Variants in EFNA5 observed in about 807,000 individuals in gnomAD.
EFNA5 encodes ephrin-A5.
A neutral mutation model predicts 22.9 loss-of-function variants in EFNA5; 5 were observed. The ratio of observed to expected loss-of-function variants is 0.22; its 90% CI spans 0.11 to 0.46. The LOEUF (loss-of-function observed/expected upper bound fraction) is 0.46, where lower values mean the gene tolerates loss of function less well. Ranked by LOEUF, EFNA5 falls within the 20% of genes least tolerant of loss-of-function variation. The pLI, the probability that EFNA5 is intolerant of heterozygous loss-of-function variation, is 0.99. For missense variants in EFNA5, 237 were observed against 293.3 expected (o/e 0.81, Z 1.40); for synonymous variants, 113 against 112.2 (o/e 1.01, Z -0.04).
intron 2 of EFNA5, among the ~76,000 whole-genome samples, chr5:107,390,549 T>C (rs575206977): frequency 7.8e-4 from 119 of 152,044 alleles, no homozygotes; most frequent in Non-Finnish European, 1.4e-3. Context: ...AGGATGGAAA[T>C]GAGGGAGTAA....
intron 1 of EFNA5, among the ~76,000 whole-genome samples, chr5:107,656,174 A>C (rs930669797): frequency 6.6e-6 from 1 of 152,206 alleles, no homozygotes; most frequent in Non-Finnish European, 1.5e-5. Flanking sequence ...CCAAAGTAGA[A>C]TATCAGGGTT....
chr5:107,420,523 A>AAAAAAAAAAAAAAAAAAAG (rs1347324853), intron 2 of EFNA5, among the ~76,000 whole-genome samples: 5 of 14,812 alleles, frequency 3.4e-4, no homozygotes, highest in Non-Finnish European at 1.2e-3. Context: ...CTGTGCTTTT[A>AAAAAAAAAAAAAAAAAAAG]AAAAAAAAAA....
At position 107,380,090 on chromosome 5, in the gene EFNA5, G is replaced by A. The variant is rs1213870562; in HGVS notation, c.*1165C>T. The stretch of plus-strand genomic sequence containing the variant: ...AATTTCCCTTTAGCCCTCCCAAGTA[G>A]TGCTGACTGACTCTCCTGGTGACAG... On this transcript the variant is annotated 3_prime_UTR_variant, in exon 5 of 5. Coordinates refer to ENST00000333274, the MANE Select transcript of EFNA5 (RefSeq NM_001962.3). 6.6e-6 allele frequency: 1 copy of A among 151,860 alleles called. No individual in the cohort carries two copies. The allele number at this position is 151,860 out of a possible 1,614,324, so 9.4% of individuals were successfully genotyped here. A position where few individuals can be genotyped will look rare whatever the true frequency, so the allele number is the denominator to read the frequency against.
At chr5:107,407,362 A>G (rs1748252210) in intron 2 of EFNA5, among the ~76,000 whole-genome samples, 1 of 152,212 alleles carries the variant, frequency 6.6e-6, no homozygotes, top group African/African-American at 2.4e-5. Flanking sequence ...ACCAAGCGGA[A>G]AGCTAAAATC....
chr5:107,555,788 A>G (rs1748397849), intron 1 of EFNA5, among the ~76,000 whole-genome samples: 1 of 152,228 alleles, frequency 6.6e-6, no homozygotes, highest in South Asian at 2.1e-4. Flanking sequence ...GCAAATCTCC[A>G]TTTCAAGAAT....
In EFNA5 at chr5:107,521,474, ATATT is replaced by A. The variant is rs1391042127; in HGVS notation, c.126-93969_126-93966del. On this transcript the variant is annotated intron_variant, in intron 1 of 4. Transcript: ENST00000333274. ...CACCTGGCTATATATATATATATATATATTTTTTTTTTTTTTTGGAGAGACAGGG... is the reference window on the plus strand; with the variant it reads ...CACCTGGCTATATATATATATATATATTTTTTTTTTTTTGGAGAGACAGGG... Among the ~76,000 whole-genome samples, 675 of 128,136 alleles carry A rather than the reference ATATT, an allele frequency of 5.3e-3. 7 individuals carry two copies. The highest frequency in any genetic ancestry group is 0.019 in the African/African-American group (615 of 31,754). The allele number at this position is 128,136 out of a possible 152,430, so 84.1% of individuals were successfully genotyped here.
At chr5:107,403,766 T>A (rs1337218177) in intron 2 of EFNA5, among the ~76,000 whole-genome samples, 1 of 152,204 alleles carries the variant, frequency 6.6e-6, no homozygotes, top group Admixed American at 6.5e-5. Context: ...CCACATTCTT[T>A]CAAATTTTAA....
At position 107,591,964 on chromosome 5, in the gene EFNA5, TATAA is replaced by T. The variant is rs1749360032; in HGVS notation, c.125+78521_125+78524del. The stretch of plus-strand genomic sequence containing the variant: ...TATATTATATATAATATATAATATA[TATAA>T]TATATATAATATATAATATATAATA... On this transcript the variant is annotated intron_variant, in intron 1 of 4. Coordinates refer to ENST00000333274, the MANE Select transcript of EFNA5 (RefSeq NM_001962.3). Among the ~76,000 whole-genome samples, 3 of 28,842 alleles carry T rather than the reference TATAA, an allele frequency of 1.0e-4. 1 individual carries two copies. Among genetic ancestry groups the T allele is most frequent in the African/African-American group, 6.6e-4 (3 of 4,580 alleles). 18.9% of individuals were successfully genotyped at this position (28,842 alleles called of 152,430 possible). A position where few individuals can be genotyped will look rare whatever the true frequency, so the allele number is the denominator to read the frequency against.
chr5:107,579,486 C>A (rs1001829051), intron 1 of EFNA5, among the ~76,000 whole-genome samples: 1 of 151,288 alleles, frequency 6.6e-6, no homozygotes, highest in African/African-American at 2.4e-5. Flanking sequence ...AACTGCATGA[C>A]AGACAAGAGG....
chr5:107,431,505 C>G (rs1195068094), intron 1 of EFNA5, among the ~76,000 whole-genome samples: 3 of 152,124 alleles, frequency 2.0e-5, no homozygotes, highest in African/African-American at 7.2e-5. Context: ...CACGGAATAG[C>G]CACTATTATT....
chr5:107,569,499 G>GTATATATATTTATATATATGTA (rs1561435833), intron 1 of EFNA5, among the ~76,000 whole-genome samples: 1 of 129,310 alleles, frequency 7.7e-6, no homozygotes, highest in African/African-American at 3.0e-5. Flanking sequence ...ATATATATGT[G>GTATATATATTTATATATATGTA]TATATATATT....
intron 1 of EFNA5, among the ~76,000 whole-genome samples, chr5:107,438,101 T>A (rs1228775101): frequency 1.3e-5 from 2 of 152,128 alleles, no homozygotes; most frequent in East Asian, 3.9e-4. Context: ...TAAGATGTGG[T>A]CCCGTGCACT....
chr5:107,427,260 A>G lies in EFNA5; in HGVS notation c.375T>C (p.Ser125=), dbSNP rs750412562. The change falls in exon 2 of 5, where the codon TCT becomes TCC. Residue 125 remains serine, a synonymous_variant. Transcript: ENST00000333274. The part of the protein sequence containing the change: ...SEKFQLFTPF[S]LGFEFRPGRE... Reference sequence around the variant, plus strand: ...GGCCTGGCCTGAATTCAAATCCTAGAGAAAAGGGAGTGAAGAGCTGGAATT... The same window carrying G: ...GGCCTGGCCTGAATTCAAATCCTAGGGAAAAGGGAGTGAAGAGCTGGAATT... 2.5e-6 allele frequency: 4 copies of G among 1,614,024 alleles called. No homozygotes were observed.
At chr5:107,513,360 T>A (rs1747413555) in intron 1 of EFNA5, among the ~76,000 whole-genome samples, 1 of 152,174 alleles carries the variant, frequency 6.6e-6, no homozygotes, top group Non-Finnish European at 1.5e-5. Context: ...GTGATGAGCA[T>A]GTTGATTCTG....
intron 1 of EFNA5, among the ~76,000 whole-genome samples, chr5:107,585,806 CTG>C (rs1749175547): frequency 6.6e-6 from 1 of 152,160 alleles, no homozygotes; most frequent in African/African-American, 2.4e-5. Flanking sequence ...TGTTTCAGAA[CTG>C]TGGTTAGAAG....
chr5:107,468,795 G>GA (rs78326883), intron 1 of EFNA5, among the ~76,000 whole-genome samples: 16 of 148,912 alleles, frequency 1.1e-4, no homozygotes, highest in African/African-American at 1.2e-4. Context: ...AATTGAAAAG[G>GA]AAAAAAAAAA....
At chr5:107,646,991 A>G (rs1240872988) in intron 1 of EFNA5, among the ~76,000 whole-genome samples, 1 of 152,270 alleles carries the variant, frequency 6.6e-6, no homozygotes, top group Admixed American at 6.5e-5. Context: ...ACTATTAAGC[A>G]TATTTTAAAT....
chr5:107,455,326 T>TC (rs1159582819), intron 1 of EFNA5, among the ~76,000 whole-genome samples: 4 of 152,130 alleles, frequency 2.6e-5, no homozygotes, highest in Admixed American at 6.6e-5. Context: ...CATTCTCTAC[T>TC]CCCCCTCTTC....
intron 2 of EFNA5, among the ~76,000 whole-genome samples, chr5:107,423,002 T>C (rs1748712981): frequency 6.6e-6 from 1 of 152,232 alleles, no homozygotes; most frequent in Non-Finnish European, 1.5e-5. Context: ...AGCAAGGTAT[T>C]GACCTGGACC....
Sources: gnomAD v4.1 joint callset for allele counts (sites outside exome capture counted in the v4.1 genomes callset) on GRCh38, gnomAD v4.1.1 for gene constraint, MANE v1.5 for transcripts, NCBI Gene and HGNC (gene_info 2026-07-23, HGNC 2026-07-21) for gene names.